ASIC2: variants seen among roughly 807,000 people sequenced by gnomAD.
ASIC2 encodes acid sensing ion channel subunit 2, also known as acid-sensing ion channel 2.
Under a neutral mutation model 57.3 loss-of-function variants are expected in ASIC2, and 25 were observed. That is an observed-to-expected ratio of 0.44 (90% CI 0.32 to 0.61). The LOEUF (loss-of-function observed/expected upper bound fraction) is 0.61. Among genes scored for constraint, ASIC2 ranks in the 20% least tolerant of loss-of-function variants. The pLI is 0.06. For missense variants in ASIC2, 641 were observed against 738.1 expected, an observed-to-expected ratio of 0.87 and a Z score of 1.52; for synonymous variants, 319 against 307.5, an observed-to-expected ratio of 1.04 and a Z score of -0.39.
At chr17:33,543,175 T>C (rs1275293368) in intron 1 of ASIC2, among the ~76,000 whole-genome samples, 4 of 148,148 alleles carry the variant, frequency 2.7e-5, no homozygotes, top group East Asian at 4.0e-4. Context: ...TTGGGAGATA[T>C]ACCTAATGCT....
chr17:33,138,116 C>T (rs1376149406), intron 1 of ASIC2, among the ~76,000 whole-genome samples: 6 of 152,144 alleles, frequency 3.9e-5, no homozygotes, highest in Non-Finnish European at 7.3e-5. Flanking sequence ...TTCAAGAGGT[C>T]TGGCACCAGG....
chr17:33,944,996 G>A (rs1010870874), intron 1 of ASIC2, among the ~76,000 whole-genome samples: 1 of 152,182 alleles, frequency 6.6e-6, no homozygotes, highest in Admixed American at 6.5e-5. Flanking sequence ...GCATCCACTG[G>A]AAACTGTGTA....
At position 33,967,483 on chromosome 17, in the gene ASIC2, C is replaced by G. The variant is rs147894164; in HGVS notation, c.555+188495G>C. Among the ~76,000 whole-genome samples the G allele has an allele frequency of 3.7e-3, 565 of 152,302 alleles. 7 individuals carry two copies. Among genetic ancestry groups the G allele is most frequent in the African/African-American group, 0.013 (541 of 41,560 alleles). On this transcript the variant is annotated intron_variant, in intron 1 of 9. Transcript: ENST00000359872. ...CTCCGAAACTCAAGCAATCCACCCC[C>G]CTCAGCCTCCCAAAGTGCCAGGATT...
chr17:33,139,167 G>T (rs1391495765), intron 1 of ASIC2, among the ~76,000 whole-genome samples: 1 of 152,132 alleles, frequency 6.6e-6, no homozygotes, highest in Admixed American at 6.5e-5. Context: ...CTGGATTCCA[G>T]GGCTGCCAGC....
rs1392143490 is a variant in ASIC2 at position 33,155,651 on chromosome 17, C to G, written c.709-43584G>C. Among the ~76,000 whole-genome samples, 3 of 150,976 alleles carry G rather than the reference C, an allele frequency of 2.0e-5. No homozygotes were observed. In the East Asian group the frequency reaches 5.9e-4, roughly 29 times the overall value. On this transcript the variant is annotated intron_variant, in intron 1 of 9. Coordinates refer to ENST00000225823, the MANE Select transcript of ASIC2 (RefSeq NM_183377.2). The stretch of plus-strand genomic sequence containing the variant: ...CTCGGATCACTGCAACCTCAGCCTC[C>G]CGGGTTCAAGCAATTCTCCTGCCTC...
At chr17:33,813,627 G>A (rs895259535) in intron 1 of ASIC2, among the ~76,000 whole-genome samples, 3 of 152,056 alleles carry the variant, frequency 2.0e-5, no homozygotes, top group Non-Finnish European at 4.4e-5. Flanking sequence ...TAGTAGAGAC[G>A]GGGTTTCACC....
chr17:33,102,269 G>A lies in ASIC2; in HGVS notation c.859+9648C>T, dbSNP rs140740116. On this transcript the variant is annotated intron_variant, in intron 2 of 9. Coordinates refer to ENST00000225823, the MANE Select transcript of ASIC2 (RefSeq NM_183377.2). ...TAGAATTCTATTCAGAAAAGAAAGC[G>A]TCCCCCTCCAGAAACTGGAAAACAT... Among the ~76,000 whole-genome samples the A allele has an allele frequency of 4.6e-4, 70 of 152,262 alleles. No individual in the cohort carries two copies. The East Asian group carries it at 0.012, about 27-fold the overall frequency.
At chr17:33,601,979 C>G (rs946159532) in intron 1 of ASIC2, among the ~76,000 whole-genome samples, 6 of 152,214 alleles carry the variant, frequency 3.9e-5, no homozygotes, top group African/African-American at 1.4e-4. Context: ...CTGTGCCTGT[C>G]CCATCATTGT....
At chr17:33,402,734 G>T (rs1252239346) in intron 1 of ASIC2, among the ~76,000 whole-genome samples, 1 of 152,136 alleles carries the variant, frequency 6.6e-6, no homozygotes, top group African/African-American at 2.4e-5. Context: ...TGTGACTAGT[G>T]TTGCAGTGAA....
chr17:33,598,524 G>A (rs1905041346), intron 1 of ASIC2, among the ~76,000 whole-genome samples: 1 of 152,134 alleles, frequency 6.6e-6, no homozygotes, highest in South Asian at 2.1e-4. Context: ...TGTTTCCTGG[G>A]TGAAGACTGT....
In ASIC2 at chr17:33,500,085, G is replaced by T. The variant is rs530786994; in HGVS notation, c.556-388018C>A. 1.1e-4 allele frequency among the ~76,000 whole-genome samples: 17 copies of T among 152,182 alleles called. 3 individuals carry two copies. Among genetic ancestry groups the T allele is most frequent in the African/African-American group, 4.1e-4 (17 of 41,510 alleles). On this transcript the variant is annotated intron_variant, in intron 1 of 9. Transcript: ENST00000359872. Reference sequence around the variant, plus strand: ...CGGGGAAAAGGATTTCCTAGAGGGAGGCTGAGACTACATACAGAAAAAAAA... The same window carrying T: ...CGGGGAAAAGGATTTCCTAGAGGGATGCTGAGACTACATACAGAAAAAAAA...
intron 1 of ASIC2, among the ~76,000 whole-genome samples, chr17:33,567,443 G>A (rs1916271969): frequency 6.6e-6 from 1 of 152,186 alleles, no homozygotes; most frequent in African/African-American, 2.4e-5. Flanking sequence ...AGCATGAAGG[G>A]AAATTCCAGG....
intron 1 of ASIC2, among the ~76,000 whole-genome samples, chr17:33,863,709 T>C (rs545400697): frequency 6.6e-6 from 1 of 152,198 alleles, no homozygotes; most frequent in East Asian, 1.9e-4. Flanking sequence ...CATCTGGTAT[T>C]GTCTAAGGAG....
chr17:33,107,328 G>C lies in ASIC2; in HGVS notation c.859+4589C>G, dbSNP rs547668457. Among the ~76,000 whole-genome samples the C allele has an allele frequency of 4.6e-5, 7 of 152,270 alleles. No homozygotes were observed. The East Asian group carries it at 1.3e-3, about 29-fold the overall frequency. On this transcript the variant is annotated intron_variant, in intron 2 of 9. Coordinates refer to ENST00000225823, the MANE Select transcript of ASIC2 (RefSeq NM_183377.2). ...GCATTTGGGAAATAAATGCTGCCTT[G>C]GCTATTCCTATCTTGGAGATTCATG...
At chr17:34,040,363 CGT>C (rs1488875682) in intron 1 of ASIC2, among the ~76,000 whole-genome samples, 4 of 137,278 alleles carry the variant, frequency 2.9e-5, no homozygotes, top group Non-Finnish European at 6.2e-5. Context: ...AGTGAAACCG[CGT>C]GTTTCCTCGC....
intron 1 of ASIC2, among the ~76,000 whole-genome samples, chr17:34,032,249 A>G (rs1404229922): frequency 1.3e-5 from 2 of 152,320 alleles, no homozygotes; most frequent in South Asian, 2.1e-4. Context: ...AGAATTTCAT[A>G]TCCAGCCAAA....
At chr17:34,126,500 A>AC (rs1567831155) in intron 1 of ASIC2, among the ~76,000 whole-genome samples, 3 of 152,024 alleles carry the variant, frequency 2.0e-5, no homozygotes, top group Non-Finnish European at 4.4e-5. Flanking sequence ...CATGCCAAGG[A>AC]CCTCAGTCCT....
chr17:33,440,300 C>A (rs1256985231), intron 1 of ASIC2, among the ~76,000 whole-genome samples: 1 of 152,204 alleles, frequency 6.6e-6, no homozygotes, highest in Non-Finnish European at 1.5e-5. Flanking sequence ...GTAGCATGTA[C>A]CAGTGCTTCA....
chr17:33,456,322 C>T (rs1020434388), intron 1 of ASIC2, among the ~76,000 whole-genome samples: 3 of 152,178 alleles, frequency 2.0e-5, no homozygotes, highest in Non-Finnish European at 2.9e-5. Context: ...AACAGACCAG[C>T]CCCCAATATC....
Sources: gnomAD v4.1 joint callset for allele counts (sites outside exome capture counted in the v4.1 genomes callset) on GRCh38, gnomAD v4.1.1 for gene constraint, MANE v1.5 for transcripts, NCBI Gene and HGNC (gene_info 2026-07-23, HGNC 2026-07-21) for gene names.